The following ZNF503 variants were observed in gnomAD, a reference collection of about 807,000 sequenced individuals.
The protein encoded by ZNF503 is NocA-like zinc finger 2.
Under a neutral mutation model 34.4 loss-of-function variants are expected in ZNF503, and 15 were observed. The observed-to-expected ratio is 0.44, with a 90% CI of 0.29 to 0.67. The LOEUF (loss-of-function observed/expected upper bound fraction) is 0.67. ZNF503 is among the 30% of genes least tolerant of loss of function. ZNF503 has a pLI of 0.13. For missense variants in ZNF503, 1,007 were observed against 926.8 expected (o/e 1.09, Z -1.12); for synonymous variants, 580 against 456.8 (o/e 1.27, Z -3.44).
downstream of ZNF503, among the ~76,000 whole-genome samples, chr10:75,393,461 C>T (rs1843664718): frequency 1.3e-5 from 2 of 151,996 alleles, no homozygotes; most frequent in Admixed American, 6.5e-5. Flanking sequence ...GAGGGGGTAG[C>T]GAGGAAATAA....
chr10:75,383,934 G>A, the ZNF503 span, among the ~76,000 whole-genome samples: 1 of 152,314 alleles, frequency 6.6e-6, no homozygotes, highest in Admixed American at 6.5e-5. Flanking sequence ...CCTTGCCCTG[G>A]CAGACACTTG....
At chr10:75,347,507 G>A in the ZNF503 span, among the ~76,000 whole-genome samples, 1 of 152,300 alleles carries the variant, frequency 6.6e-6, no homozygotes, top group South Asian at 2.1e-4. Context: ...CCTCCTGGAA[G>A]CAGCCTGCAT....
chr10:75,364,824 C>A, the ZNF503 span, among the ~76,000 whole-genome samples: 4,759 of 152,272 alleles, frequency 0.031, 220 homozygotes, highest in African/African-American at 0.099. Context: ...ATGAAAAAAA[C>A]ATCTTGTGTG....
At chr10:75,396,646 C>CCGAGACT (rs1843701016), downstream of ZNF503, among the ~76,000 whole-genome samples, 1 of 152,118 alleles carries the variant, frequency 6.6e-6, no homozygotes, top group Non-Finnish European at 1.5e-5. This position sits in a 1 kb window ranked among gnomAD's most constrained non-coding sequence, Gnocchi z 4.4. Context: ...CGAGGGGATC[C>CCGAGACT]CGAGACTCGG....
chr10:75,398,586 TC>T lies in ZNF503; in HGVS notation c.*162del. ...AGGGGAGTGTCCCACCGGGTCTCGG[TC>T]GCTGCTGTCGGGTAGATAGATACGG... On this transcript the variant is annotated 3_prime_UTR_variant, in exon 2 of 2. Transcript: ENST00000372524. The T allele has an allele frequency of 1.8e-6, 1 of 544,674 alleles. No homozygotes were observed. Among genetic ancestry groups the T allele is most frequent in the South Asian group, 9.9e-5 (1 of 10,136 alleles). The allele number at this position is 544,674 out of a possible 1,614,324, so 33.7% of individuals were successfully genotyped here.
chr10:75,302,986 G>T, the ZNF503 span, among the ~76,000 whole-genome samples: 1 of 152,166 alleles, frequency 6.6e-6, no homozygotes, highest in Non-Finnish European at 1.5e-5. Flanking sequence ...GTGTTGAAGT[G>T]GTTTTTGACA....
chr10:75,315,562 G>A, the ZNF503 span, among the ~76,000 whole-genome samples: 1 of 152,002 alleles, frequency 6.6e-6, no homozygotes, highest in African/African-American at 2.4e-5. Flanking sequence ...TCTTATAGCA[G>A]CCAAAAAGCA....
In ZNF503 at chr10:75,401,448, G is replaced by A. The variant is rs552779373; in HGVS notation, c.-29C>T. 9.2e-6 allele frequency: 14 copies of A among 1,520,954 alleles called. No homozygotes were observed. Among genetic ancestry groups the A allele is most frequent in the African/African-American group, 2.8e-5 (2 of 70,482 alleles). The allele number at this position is 1,520,954 out of a possible 1,614,324, so 94.2% of individuals were successfully genotyped here. The stretch of plus-strand genomic sequence containing the variant: ...CCACCCGCGCGCATGGGAGCAGCGG[G>A]GGGGAGGGCTCCGGGAGGCGCGGGG... On this transcript the variant is annotated 5_prime_UTR_variant, in exon 1 of 2. Transcript: ENST00000372524.
chr10:75,371,760 G>A, the ZNF503 span, among the ~76,000 whole-genome samples: 164 of 152,234 alleles, frequency 1.1e-3, 2 homozygotes, highest in African/African-American at 3.9e-3. Flanking sequence ...TAGGGGTGGG[G>A]TGGTCTCTGA....
At chr10:75,299,259 T>G in the ZNF503 span, among the ~76,000 whole-genome samples, 5 of 152,220 alleles carry the variant, frequency 3.3e-5, no homozygotes, top group African/African-American at 1.2e-4. Flanking sequence ...GTGATCTATT[T>G]GAAGTTAATT....
chr10:75,383,319 C>T, the ZNF503 span, among the ~76,000 whole-genome samples: 51 of 152,290 alleles, frequency 3.3e-4, no homozygotes, highest in African/African-American at 1.2e-3. Context: ...TAGGGTGCTC[C>T]TCAGCCCCCA....
chr10:75,367,025 G>T, the ZNF503 span, among the ~76,000 whole-genome samples: 1 of 152,308 alleles, frequency 6.6e-6, no homozygotes, highest in Non-Finnish European at 1.5e-5. Context: ...TAAGGCAGAG[G>T]TTAGCTGGCT....
the ZNF503 span, among the ~76,000 whole-genome samples, chr10:75,326,764 G>A: frequency 6.6e-6 from 1 of 151,704 alleles, no homozygotes; most frequent in African/African-American, 2.4e-5. Context: ...TCTGCCCCCT[G>A]GGTTCAAGTG....
At chr10:75,370,778 C>CAAAAAAAAAAAAAAAAAAAAAAAA in the ZNF503 span, among the ~76,000 whole-genome samples, 1 of 67,974 alleles carries the variant, frequency 1.5e-5, no homozygotes, top group African/African-American at 5.9e-5. Flanking sequence ...GGCTCCATCT[C>CAAAAAAAAAAAAAAAAAAAAAAAA]AAAAAAAAAA....
chr10:75,384,650 C>T, the ZNF503 span, among the ~76,000 whole-genome samples: 7 of 152,172 alleles, frequency 4.6e-5, no homozygotes, highest in African/African-American at 1.7e-4. Context: ...AGCCCTGCGG[C>T]CCAGCACCCA....
the ZNF503 span, among the ~76,000 whole-genome samples, chr10:75,281,835 C>G: frequency 6.6e-6 from 1 of 152,306 alleles, no homozygotes; most frequent in South Asian, 2.1e-4. Context: ...TTCTCCCCCT[C>G]CCCCTTAGGG....
At chr10:75,393,690 T>G (rs1843668254), downstream of ZNF503, among the ~76,000 whole-genome samples, 1 of 151,908 alleles carries the variant, frequency 6.6e-6, no homozygotes, top group South Asian at 2.1e-4. Context: ...AACCCTGTCT[T>G]TACTAAAACT....
In ZNF503 at chr10:75,401,348, TCCGCCTCCGCCGCCG is replaced by T. The variant is rs1554886729; in HGVS notation, c.57_71del (p.Gly23_Gly27del). 1 of 1,491,002 alleles carries T rather than the reference TCCGCCTCCGCCGCCG, an allele frequency of 6.7e-7. No individual in the cohort carries two copies. Among genetic ancestry groups the T allele is most frequent in the South Asian group, 1.2e-5 (1 of 82,534 alleles). The allele number at this position is 1,491,002 out of a possible 1,614,324, so 92.4% of individuals were successfully genotyped here. A position where few individuals can be genotyped will look rare whatever the true frequency, so the allele number is the denominator to read the frequency against. ...TCCAGGCAGGGTCTGCACCGCCGCC[TCCGCCTCCGCCGCCG>T]CCGCCGCCGCTGTGCTTACTGCTTC... On this transcript the variant is annotated inframe_deletion, in exon 1 of 2. Transcript: ENST00000372524.
At chr10:75,373,216 G>T in the ZNF503 span, among the ~76,000 whole-genome samples, 3 of 152,232 alleles carry the variant, frequency 2.0e-5, no homozygotes, top group Non-Finnish European at 4.4e-5. Flanking sequence ...CAAAGTTATG[G>T]CTCTATCTGT....
Sources: allele counts gnomAD v4.1 joint callset (sites outside exome capture counted in the v4.1 genomes callset), GRCh38; gene constraint gnomAD v4.1.1; non-coding constraint Gnocchi (gnomAD v3.1); transcripts MANE v1.5; gene names NCBI Gene and HGNC (gene_info 2026-07-23, HGNC 2026-07-21).